PTPRT: variants seen among roughly 807,000 people sequenced by gnomAD.
PTPRT encodes receptor-type tyrosine-protein phosphatase T.
Under a neutral mutation model 176.8 loss-of-function variants are expected in PTPRT, and 56 were observed. The observed-to-expected ratio is 0.32, with a 90% CI of 0.26 to 0.40. The LOEUF is 0.40. Among genes scored for constraint, PTPRT ranks in the 10% least tolerant of loss-of-function variants. The probability of loss-of-function intolerance (pLI) is 1.00; values close to 1 mark genes in which losing one functional copy is unlikely to be tolerated. For missense variants in PTPRT, 1,540 were observed against 1,908.2 expected, an observed-to-expected ratio of 0.81 and a Z score of 3.60; for synonymous variants, 783 against 739.0, an observed-to-expected ratio of 1.06 and a Z score of -0.96.
intron 9 of PTPRT, among the ~76,000 whole-genome samples, chr20:42,410,056 GTAAC>G (rs1207130209): frequency 1.3e-5 from 2 of 151,972 alleles, no homozygotes; most frequent in Non-Finnish European, 2.9e-5. Flanking sequence ...AAAAACAACG[GTAAC>G]TATGATGTTT....
intron 15 of PTPRT, among the ~76,000 whole-genome samples, chr20:42,228,155 T>A (rs915990926): frequency 5.9e-5 from 9 of 152,354 alleles, no homozygotes; most frequent in Non-Finnish European, 1.2e-4. Flanking sequence ...TAAAAGTAAT[T>A]GCGGTTTTTG....
At chr20:42,813,550 A>G (rs2077732210) in intron 2 of PTPRT, among the ~76,000 whole-genome samples, 1 of 151,812 alleles carries the variant, frequency 6.6e-6, no homozygotes, top group African/African-American at 2.4e-5. Flanking sequence ...TGTTCTGCCT[A>G]GGTGACTCCA....
At chr20:42,403,084 T>C (rs559691018) in intron 9 of PTPRT, among the ~76,000 whole-genome samples, 33 of 152,254 alleles carry the variant, frequency 2.2e-4, no homozygotes, top group African/African-American at 7.0e-4. Context: ...ACCCAAGAAA[T>C]CTTAATACTT....
intron 17 of PTPRT, among the ~76,000 whole-genome samples, chr20:42,150,770 A>G (rs902977622): frequency 2.0e-5 from 3 of 152,202 alleles, no homozygotes; most frequent in Non-Finnish European, 4.4e-5. Flanking sequence ...GAAGGATTTA[A>G]CTATACAGAA....
intron 1 of PTPRT, among the ~76,000 whole-genome samples, chr20:42,908,337 C>T (rs897400853): frequency 5.9e-5 from 9 of 152,090 alleles, no homozygotes; most frequent in Non-Finnish European, 1.5e-5. Flanking sequence ...AGGGAGCATT[C>T]TTTAAGGAAA....
chr20:43,125,447 C>G (rs2013404988), intron 1 of PTPRT, among the ~76,000 whole-genome samples: 1 of 152,034 alleles, frequency 6.6e-6, no homozygotes, highest in Admixed American at 6.6e-5. Context: ...TTAATAAGCT[C>G]CCCCCATGTA....
chr20:42,652,204 T>TA (rs1382710533), intron 7 of PTPRT, among the ~76,000 whole-genome samples: 1 of 152,218 alleles, frequency 6.6e-6, no homozygotes, highest in Non-Finnish European at 1.5e-5. Context: ...AATGGTCTAT[T>TA]AAACATTCAT....
rs752446209 is a variant in PTPRT, at chr20:42,248,649, G to A, written c.2312+38C>T. 24 of 1,608,670 alleles carry A rather than the reference G, an allele frequency of 1.5e-5. No homozygotes were observed. In the Admixed American group the frequency reaches 2.0e-4, roughly 13 times the overall value. ...CACACAGCAGTGTTGAGGTCACCTC[G>A]GGTCAGCAGAGTCTTGCAGGCAGCA... On this transcript the variant is annotated intron_variant, in intron 14 of 30. Transcript: ENST00000373187.
At chr20:42,816,503 T>G (rs949162914) in intron 2 of PTPRT, among the ~76,000 whole-genome samples, 1 of 152,152 alleles carries the variant, frequency 6.6e-6, no homozygotes, top group African/African-American at 2.4e-5. Flanking sequence ...AATCCCTACA[T>G]GTAGAAGGAG....
chr20:42,706,017 G>A (rs1055977312), intron 6 of PTPRT, among the ~76,000 whole-genome samples: 12 of 151,966 alleles, frequency 7.9e-5, no homozygotes, highest in Admixed American at 4.6e-4. Context: ...GAGATTAGGG[G>A]GTGGGGAACA....
At chr20:42,647,696 A>G (rs2074937477) in intron 7 of PTPRT, among the ~76,000 whole-genome samples, 1 of 152,140 alleles carries the variant, frequency 6.6e-6, no homozygotes, top group African/African-American at 2.4e-5. Context: ...GTCATGGGAG[A>G]CACAAGGCTG....
intron 6 of PTPRT, among the ~76,000 whole-genome samples, chr20:42,717,318 A>G (rs1479851758): frequency 6.6e-6 from 1 of 152,048 alleles, no homozygotes; most frequent in East Asian, 1.9e-4. Context: ...GATCTACAGA[A>G]AAAAAAGAAC....
chr20:42,047,071 A>G, the PTPRT span, among the ~76,000 whole-genome samples: 2 of 152,178 alleles, frequency 1.3e-5, no homozygotes, highest in Non-Finnish European at 2.9e-5. Context: ...AACTTCTCCA[A>G]TGAGGAAATG....
intron 1 of PTPRT, among the ~76,000 whole-genome samples, chr20:43,078,518 C>T (rs925146855): frequency 5.9e-5 from 9 of 152,120 alleles, no homozygotes; most frequent in African/African-American, 1.7e-4. Flanking sequence ...TTACTAGGCA[C>T]ATAAATTTTG....
At chr20:42,511,885 T>G (rs2071964948) in intron 7 of PTPRT, among the ~76,000 whole-genome samples, 1 of 152,088 alleles carries the variant, frequency 6.6e-6, no homozygotes, top group African/African-American at 2.4e-5. Context: ...AGCAACCTCT[T>G]TTCTTAACTT....
chr20:42,578,813 T>C (rs1275887508), intron 7 of PTPRT, among the ~76,000 whole-genome samples: 2 of 151,856 alleles, frequency 1.3e-5, no homozygotes, highest in African/African-American at 4.8e-5. Context: ...TTACTCTCTG[T>C]TCAGAACCCT....
chr20:42,315,184 C>CAAAAAAAAAAAAAAAAAA (rs71193656), intron 12 of PTPRT, among the ~76,000 whole-genome samples: 1 of 63,400 alleles, frequency 1.6e-5, no homozygotes, highest in African/African-American at 7.1e-5. Flanking sequence ...GGCTCCGTCT[C>CAAAAAAAAAAAAAAAAAA]AAAAAAAAAA....
intron 15 of PTPRT, among the ~76,000 whole-genome samples, chr20:42,226,443 A>G (rs2056012709): frequency 6.6e-6 from 1 of 152,222 alleles, no homozygotes; most frequent in African/African-American, 2.4e-5. Context: ...GCTTAACTAG[A>G]CAACTAGGTA....
chr20:42,893,094 A>G (rs1002352271), intron 1 of PTPRT, among the ~76,000 whole-genome samples: 1 of 152,166 alleles, frequency 6.6e-6, no homozygotes, highest in Non-Finnish European at 1.5e-5. Flanking sequence ...AAAATGGGAG[A>G]AAATTTTCGC....
Sources: gnomAD v4.1 joint callset for allele counts (sites outside exome capture counted in the v4.1 genomes callset) on GRCh38, gnomAD v4.1.1 for gene constraint, MANE v1.5 for transcripts, NCBI Gene and HGNC (gene_info 2026-07-23, HGNC 2026-07-21) for gene names.